The following MBOAT1 variants were observed in gnomAD, a reference collection of about 807,000 sequenced individuals.
MBOAT1 encodes the protein membrane bound glycerophospholipid O-acyltransferase 1.
MBOAT1 carries 67 observed loss-of-function variants against 64.4 expected under a neutral mutation model. The ratio of observed to expected loss-of-function variants is 1.04; its 90% CI spans 0.85 to 1.27. The LOEUF (loss-of-function observed/expected upper bound fraction) is 1.27, where lower values mean the gene tolerates loss of function less well. Ranked by LOEUF, MBOAT1 falls within the 50% of genes most tolerant of loss-of-function variation. MBOAT1 has a pLI of 0.00. For missense variants in MBOAT1, 563 were observed against 604.6 expected (o/e 0.93, Z 0.72); for synonymous variants, 229 against 218.9 (o/e 1.05, Z -0.41).
intron 1 of MBOAT1, among the ~76,000 whole-genome samples, chr6:20,200,387 C>T (rs1293495601): frequency 6.6e-6 from 1 of 152,114 alleles, no homozygotes; most frequent in South Asian, 2.1e-4. Flanking sequence ...TAAAACCAAC[C>T]CTTCTGCACT....
chr6:20,120,297 G>A (rs1760459057), intron 8 of MBOAT1, among the ~76,000 whole-genome samples: 1 of 152,128 alleles, frequency 6.6e-6, no homozygotes, highest in Admixed American at 6.5e-5. Flanking sequence ...AATTAAATAT[G>A]TGTGCAGTGG....
chr6:20,138,908 C>G (rs1031505764), intron 4 of MBOAT1, among the ~76,000 whole-genome samples: 1 of 152,168 alleles, frequency 6.6e-6, no homozygotes, highest in Non-Finnish European at 1.5e-5. Context: ...AGAATCTGTT[C>G]CATTCTCCTT....
At chr6:20,184,930 G>A (rs1288974069) in intron 1 of MBOAT1, among the ~76,000 whole-genome samples, 1 of 122,774 alleles carries the variant, frequency 8.1e-6, no homozygotes, top group Admixed American at 8.9e-5. Context: ...CTAAATTTGA[G>A]TTCTCTGAAG....
intron 8 of MBOAT1, among the ~76,000 whole-genome samples, chr6:20,118,895 AAAAG>A (rs1561749255): frequency 6.6e-6 from 1 of 152,198 alleles, no homozygotes; most frequent in African/African-American, 2.4e-5. Flanking sequence ...AGGAGGGGAG[AAAAG>A]AAAGGTGGTA....
chr6:20,143,814 G>A (rs533111729), intron 4 of MBOAT1, among the ~76,000 whole-genome samples: 23 of 152,214 alleles, frequency 1.5e-4, no homozygotes, highest in African/African-American at 5.1e-4. Flanking sequence ...TCAGAACAGG[G>A]GTTGACAAAG....
At chr6:20,107,500 A>G (rs1018242805) in intron 12 of MBOAT1, among the ~76,000 whole-genome samples, 7 of 152,164 alleles carry the variant, frequency 4.6e-5, no homozygotes, top group African/African-American at 1.7e-4. Context: ...TTCCTGTTAC[A>G]TACTCTCTTA....
At chr6:20,141,359 C>CTTTTTTTTTTTTT (rs755615744) in intron 4 of MBOAT1, among the ~76,000 whole-genome samples, 7 of 99,804 alleles carry the variant, frequency 7.0e-5, no homozygotes, top group African/African-American at 1.6e-4. Flanking sequence ...TTTTCTTTTT[C>CTTTTTTTTTTTTT]TTTTTTTTTT....
intron 4 of MBOAT1, among the ~76,000 whole-genome samples, chr6:20,137,439 T>C (rs1296496947): frequency 3.3e-5 from 5 of 152,194 alleles, no homozygotes; most frequent in Non-Finnish European, 4.4e-5. Context: ...AAGTACCAGC[T>C]GTATTACAAG....
At chr6:20,198,014 T>C (rs1581464666) in intron 1 of MBOAT1, among the ~76,000 whole-genome samples, 1 of 151,772 alleles carries the variant, frequency 6.6e-6, no homozygotes, top group Non-Finnish European at 1.5e-5. Context: ...ACACTTGAGG[T>C]CAGGAGTTTG....
intron 1 of MBOAT1, among the ~76,000 whole-genome samples, chr6:20,156,705 C>T (rs1761699667): frequency 6.6e-6 from 1 of 152,174 alleles, no homozygotes; most frequent in African/African-American, 2.4e-5. Context: ...CCCATGTGCA[C>T]TCCTAATGGG....
chr6:20,129,310 G>A (rs926487394), intron 5 of MBOAT1, among the ~76,000 whole-genome samples: 1 of 152,206 alleles, frequency 6.6e-6, no homozygotes, highest in Non-Finnish European at 1.5e-5. Flanking sequence ...AATTATCAGA[G>A]TTTTCTTCTT....
At chr6:20,163,924 G>T (rs374499677) in intron 1 of MBOAT1, among the ~76,000 whole-genome samples, 2 of 152,086 alleles carry the variant, frequency 1.3e-5, no homozygotes, top group Non-Finnish European at 2.9e-5. Context: ...GAATAAGGAG[G>T]TGGAATGTTA....
rs529007919 is a variant in MBOAT1, at chr6:20,122,802, A to C, written c.907+1606T>G. Among the ~76,000 whole-genome samples, 15 of 151,996 alleles carry C rather than the reference A, an allele frequency of 9.9e-5. No homozygotes were observed. In the East Asian group the frequency reaches 2.9e-3, roughly 30 times the overall value. ...ACCCTCAAAAATGATTAAAATGGTA[A>C]ATTTTATATGTATTTTGCCACAATG... On this transcript the variant is annotated intron_variant, in intron 8 of 12. Coordinates refer to ENST00000324607, the MANE Select transcript of MBOAT1 (RefSeq NM_001080480.3).
Position 20,144,333 on chromosome 6 carries a change from G to A in MBOAT1, c.324-18C>T. On this transcript the variant is annotated intron_variant, in intron 3 of 12. Coordinates refer to ENST00000324607, the MANE Select transcript of MBOAT1 (RefSeq NM_001080480.3). ...AGGAATATCTGAAAGCAAAAACATA[G>A]ATGATCAGATTATTATGCATAGCAA... 1 of 1,474,184 alleles carries A rather than the reference G, an allele frequency of 6.8e-7. No individual in the cohort carries two copies. The highest frequency in any genetic ancestry group is 9.5e-7 in the Non-Finnish European group (1 of 1,056,866). The allele number at this position is 1,474,184 out of a possible 1,614,324, so 91.3% of individuals were successfully genotyped here.
chr6:20,120,012 T>TGTGTGTGC (rs1039962360), intron 8 of MBOAT1, among the ~76,000 whole-genome samples: 23 of 151,436 alleles, frequency 1.5e-4, no homozygotes, highest in Non-Finnish European at 4.4e-5. Flanking sequence ...TGTGCGTGTG[T>TGTGTGTGC]GTGTGTGTGT....
chr6:20,145,342 A>T (rs1451437225), intron 3 of MBOAT1, among the ~76,000 whole-genome samples: 1 of 152,210 alleles, frequency 6.6e-6, no homozygotes, highest in Non-Finnish European at 1.5e-5. Context: ...TCCAGAACTG[A>T]GGAATATTAA....
At chr6:20,195,059 C>A (rs55684688) in intron 1 of MBOAT1, among the ~76,000 whole-genome samples, 5,352 of 151,932 alleles carry the variant, frequency 0.035, 115 homozygotes, top group Non-Finnish European at 0.056. Context: ...CTCAAGGAAT[C>A]CTCCCACCAT....
intron 10 of MBOAT1, among the ~76,000 whole-genome samples, chr6:20,113,887 C>A (rs1161244295): frequency 6.7e-6 from 1 of 148,940 alleles, no homozygotes; most frequent in Non-Finnish European, 1.5e-5. Context: ...GAACACCAAC[C>A]CAGCACTGTA....
At chr6:20,132,092 C>T (rs1760846359) in intron 4 of MBOAT1, among the ~76,000 whole-genome samples, 1 of 152,066 alleles carries the variant, frequency 6.6e-6, no homozygotes, top group Admixed American at 6.6e-5. Flanking sequence ...TCTGTTGCCC[C>T]AGCTGGTCTC....
Sources: allele counts gnomAD v4.1 joint callset (sites outside exome capture counted in the v4.1 genomes callset), GRCh38; gene constraint gnomAD v4.1.1; transcripts MANE v1.5; gene names NCBI Gene and HGNC (gene_info 2026-07-23, HGNC 2026-07-21).